The following NRG1 variants were observed in gnomAD, a reference collection of about 807,000 sequenced individuals.
NRG1 encodes neuregulin 1.
Under a neutral mutation model 63.8 loss-of-function variants are expected in NRG1, and 18 were observed. The ratio of observed to expected loss-of-function variants is 0.28; its 90% CI spans 0.19 to 0.42. The LOEUF (loss-of-function observed/expected upper bound fraction) is 0.42, where lower values mean the gene tolerates loss of function less well. Among genes scored for constraint, NRG1 ranks in the 10% least tolerant of loss-of-function variants. NRG1 has a pLI of 1.00. For synonymous variants in NRG1, 302 were observed against 301.3 expected, an observed-to-expected ratio of 1.00 and a Z score of -0.02; for missense variants, 762 against 814.7, an observed-to-expected ratio of 0.94 and a Z score of 0.79.
intron 1 of NRG1, among the ~76,000 whole-genome samples, chr8:32,538,726 A>G (rs189705404): frequency 2.1e-4 from 32 of 152,354 alleles, no homozygotes; most frequent in African/African-American, 7.5e-4. Flanking sequence ...AGCTGAATTA[A>G]ATGTAAATTG....
chr8:32,295,514 A>G (rs1467426698), intron 1 of NRG1, among the ~76,000 whole-genome samples: 2 of 152,208 alleles, frequency 1.3e-5, no homozygotes, highest in African/African-American at 4.8e-5. Flanking sequence ...CTAACATCTT[A>G]TAATAGGATT....
At chr8:32,158,447 T>TGATATATA (rs1838397660) in intron 1 of NRG1, among the ~76,000 whole-genome samples, 1 of 30,272 alleles carries the variant, frequency 3.3e-5, no homozygotes. Flanking sequence ...TTGGTTTACA[T>TGATATATA]GATATATATA....
intron 1 of NRG1, 88 bp downstream of exon 1, chr8:32,548,914 C>CCCCTCT (rs1833523686): frequency 7.0e-7 from 1 of 1,435,460 alleles, no homozygotes; most frequent in African/African-American, 1.4e-5. Flanking sequence ...CCTCTCCCTC[C>CCCCTCT]CCCTCTCCCT....
intron 1 of NRG1, among the ~76,000 whole-genome samples, chr8:31,831,865 G>A (rs1389158503): frequency 2.0e-5 from 3 of 152,102 alleles, no homozygotes; most frequent in Non-Finnish European, 4.4e-5. Context: ...ACTCCAATCA[G>A]TATCCAGCCT....
At chr8:32,564,518 T>G (rs1298740408) in intron 1 of NRG1, among the ~76,000 whole-genome samples, 1 of 152,242 alleles carries the variant, frequency 6.6e-6, no homozygotes, top group Non-Finnish European at 1.5e-5. Context: ...AGCTGCCGAT[T>G]GTTTCAGAAT....
chr8:32,330,656 G>C (rs1802535563), intron 1 of NRG1, among the ~76,000 whole-genome samples: 1 of 152,210 alleles, frequency 6.6e-6, no homozygotes, highest in African/African-American at 2.4e-5. Context: ...GGTATGGTTT[G>C]GGGTAAGAGG....
intron 1 of NRG1, among the ~76,000 whole-genome samples, chr8:32,393,149 A>G (rs1452939180): frequency 6.6e-6 from 1 of 152,200 alleles, no homozygotes; most frequent in Non-Finnish European, 1.5e-5. Flanking sequence ...TCCTCTTTTT[A>G]TGGTGAAATA....
chr8:31,834,885 G>A (rs1825551620), intron 1 of NRG1, among the ~76,000 whole-genome samples: 1 of 152,112 alleles, frequency 6.6e-6, no homozygotes, highest in Non-Finnish European at 1.5e-5. Context: ...GGAGCATGTT[G>A]TATATCAAGG....
At chr8:31,696,686 C>T (rs544000506) in intron 1 of NRG1, among the ~76,000 whole-genome samples, 101 of 152,262 alleles carry the variant, frequency 6.6e-4, no homozygotes, top group Middle Eastern at 6.8e-3. Flanking sequence ...TCTTGTAGGT[C>T]TGTGTCAAGT....
At chr8:32,215,796 A>G (rs1242712569) in intron 1 of NRG1, among the ~76,000 whole-genome samples, 1 of 152,136 alleles carries the variant, frequency 6.6e-6, no homozygotes, top group Non-Finnish European at 1.5e-5. Context: ...AATCCCAGCA[A>G]TTTGGGAGAC....
chr8:32,711,875 G>A lies in NRG1; in HGVS notation c.503-16074G>A, dbSNP rs375015217. On this transcript the variant is annotated intron_variant, in intron 5 of 11. Coordinates refer to ENST00000356819, the Ensembl canonical transcript of NRG1. ...TGGTGATGACTCATTCTAGAAATATGACTATTAAGAATGAGTACATTTATT... is the reference window on the plus strand; with the variant it reads ...TGGTGATGACTCATTCTAGAAATATAACTATTAAGAATGAGTACATTTATT... Among the ~76,000 whole-genome samples, 29 of 152,174 alleles carry A rather than the reference G, an allele frequency of 1.9e-4. 1 individual carries two copies. Among genetic ancestry groups the A allele is most frequent in the African/African-American group, 7.0e-4 (29 of 41,536 alleles).
intron 1 of NRG1, among the ~76,000 whole-genome samples, chr8:32,114,206 A>G (rs1832406402): frequency 6.6e-6 from 1 of 152,234 alleles, no homozygotes; most frequent in Admixed American, 6.5e-5. Context: ...GTAAAGAAAC[A>G]GTTTTAAAAT....
intron 1 of NRG1, among the ~76,000 whole-genome samples, chr8:32,572,052 C>A (rs1344035074): frequency 6.6e-6 from 1 of 152,110 alleles, no homozygotes; most frequent in Non-Finnish European, 1.5e-5. Context: ...TCCTAAGTTG[C>A]CCACATTTTA....
intron 1 of NRG1, among the ~76,000 whole-genome samples, chr8:31,872,872 G>A (rs970592145): frequency 1.3e-5 from 2 of 152,112 alleles, no homozygotes; most frequent in African/African-American, 2.4e-5. Context: ...TTTAATCATG[G>A]CCATTCATCA....
At chr8:32,484,542 G>A (rs1156593309) in intron 1 of NRG1, among the ~76,000 whole-genome samples, 2 of 151,770 alleles carry the variant, frequency 1.3e-5, no homozygotes, top group East Asian at 1.9e-4. Context: ...AAATACAAAC[G>A]ATGCTGTCCA....
chr8:31,884,561 C>T (rs1830581575), intron 1 of NRG1, among the ~76,000 whole-genome samples: 1 of 152,048 alleles, frequency 6.6e-6, no homozygotes, highest in African/African-American at 2.4e-5. Flanking sequence ...TCCCTTTTTG[C>T]CTTCACTTTC....
intron 1 of NRG1, among the ~76,000 whole-genome samples, chr8:32,434,324 C>T (rs574380555): frequency 7.9e-5 from 12 of 152,106 alleles, no homozygotes; most frequent in Middle Eastern, 3.2e-3. Flanking sequence ...TTTTCAGGTA[C>T]TATGCTGAGT....
chr8:32,617,296 T>C (rs544912546), intron 5 of NRG1, among the ~76,000 whole-genome samples: 1 of 152,230 alleles, frequency 6.6e-6, no homozygotes, highest in Non-Finnish European at 1.5e-5. Context: ...AACTTCTTCA[T>C]TCTCATATAA....
chr8:32,404,299 A>G (rs1489638672), intron 1 of NRG1, among the ~76,000 whole-genome samples: 3 of 151,520 alleles, frequency 2.0e-5, no homozygotes, highest in African/African-American at 7.3e-5. Flanking sequence ...GGAAGGAGGA[A>G]CCATAGCAAC....
Sources: allele counts gnomAD v4.1 joint callset (sites outside exome capture counted in the v4.1 genomes callset), GRCh38; gene constraint gnomAD v4.1.1; transcripts MANE v1.5; gene names NCBI Gene and HGNC (gene_info 2026-07-23, HGNC 2026-07-21).